SAP30L: variants seen among roughly 807,000 people sequenced by gnomAD.
The protein encoded by SAP30L is histone deacetylase complex subunit SAP30L.
In SAP30L, 10 loss-of-function variants were observed where a neutral mutation model predicts 22.3. The ratio of observed to expected loss-of-function variants is 0.45; its 90% CI spans 0.28 to 0.76. SAP30L has a LOEUF of 0.76. Among genes scored for constraint, SAP30L ranks in the 30% least tolerant of loss-of-function variants. The probability of loss-of-function intolerance (pLI) is 0.14; values close to 1 mark genes in which losing one functional copy is unlikely to be tolerated. For missense variants in SAP30L, 206 were observed against 237.9 expected (o/e 0.87, Z 0.88); for synonymous variants, 91 against 94.1 (o/e 0.97, Z 0.19).
intron 2 of SAP30L, among the ~76,000 whole-genome samples, chr5:154,451,511 G>A (rs764769360): frequency 4.6e-5 from 7 of 151,790 alleles, no homozygotes; most frequent in Admixed American, 2.0e-4. Context: ...TCTGCAAGAC[G>A]CCCCTGACGA....
chr5:154,455,678 A>C (rs1757248660), intron 3 of SAP30L, among the ~76,000 whole-genome samples: 1 of 152,196 alleles, frequency 6.6e-6, no homozygotes, highest in African/African-American at 2.4e-5. Flanking sequence ...GAAGAGTTGT[A>C]GGTTAAAAAG....
chr5:154,446,561 C>T lies in SAP30L; in HGVS notation c.-44C>T. The T allele has an allele frequency of 7.2e-7, 1 of 1,382,588 alleles. No individual in the cohort carries two copies. The highest frequency in any genetic ancestry group is 9.4e-7 in the Non-Finnish European group (1 of 1,067,240). 85.6% of individuals were successfully genotyped at this position (1,382,588 alleles called of 1,614,324 possible). On this transcript the variant is annotated 5_prime_UTR_variant, in exon 1 of 4. Coordinates refer to ENST00000297109, the MANE Select transcript of SAP30L (RefSeq NM_024632.6). ...GCGGCAAGCGCGGCCGCGGAGTGGCCTACCGGGGACCCTCCCCCAGAGGGA... is the reference window on the plus strand; with the variant it reads ...GCGGCAAGCGCGGCCGCGGAGTGGCTTACCGGGGACCCTCCCCCAGAGGGA...
intron 1 of SAP30L, among the ~76,000 whole-genome samples, chr5:154,447,969 C>CTTTTTTTTTTTTTTTTTTT (rs140213326): frequency 3.3e-4 from 29 of 88,350 alleles, no homozygotes; most frequent in East Asian, 1.3e-3. Flanking sequence ...TTTTCTTTTT[C>CTTTTTTTTTTTTTTTTTTT]TTTTTTTTTT....
At chr5:154,449,780 A>G (rs1441608962) in intron 1 of SAP30L, among the ~76,000 whole-genome samples, 1 of 152,212 alleles carries the variant, frequency 6.6e-6, no homozygotes, top group Non-Finnish European at 1.5e-5. Context: ...GTTTGTAACC[A>G]TGTTAAGTGG....
Position 154,457,712 on chromosome 5 carries a change from T to C in SAP30L, c.*1684T>C, listed in dbSNP as rs954297285. ...GCAGATTGCAGCCTTTTAAATTAAATATATATAAATGGTTGTATATAGAAT... is the reference window on the plus strand; with the variant it reads ...GCAGATTGCAGCCTTTTAAATTAAACATATATAAATGGTTGTATATAGAAT... On this transcript the variant is annotated 3_prime_UTR_variant, in exon 4 of 4. Coordinates refer to ENST00000297109, the MANE Select transcript of SAP30L (RefSeq NM_024632.6). The C allele has an allele frequency of 1.3e-5, 2 of 152,200 alleles. No individual in the cohort carries two copies. The highest frequency in any genetic ancestry group is 4.8e-5 in the African/African-American group (2 of 41,452). The allele number at this position is 152,200 out of a possible 1,614,324, so 9.4% of individuals were successfully genotyped here.
intron 1 of SAP30L, 83 bp downstream of exon 1, chr5:154,446,888 G>A: frequency 8.1e-7 from 1 of 1,232,092 alleles, no homozygotes; most frequent in Non-Finnish European, 1.1e-6. Context: ...GGACTCCCCG[G>A]GCACTCCCCG....
intron 2 of SAP30L, 114 bp downstream of exon 2, chr5:154,451,327 G>A: frequency 8.4e-7 from 1 of 1,196,866 alleles, no homozygotes; most frequent in Non-Finnish European, 1.2e-6. Context: ...CTTTTGTTTT[G>A]CTGTGGATTA....
rs1226946063 is a variant in SAP30L, at chr5:154,458,974, C to T, written c.*2946C>T. On this transcript the variant is annotated 3_prime_UTR_variant, in exon 4 of 4. Transcript: ENST00000297109. ...GTCATAGCTAAATAGTCACTGCTAG[C>T]CTTTCAGAGAACAGATAGTAACAAT... 1 of 152,242 alleles carries T rather than the reference C, an allele frequency of 6.6e-6. No homozygotes were observed. Among genetic ancestry groups the T allele is most frequent in the Non-Finnish European group, 1.5e-5 (1 of 68,032 alleles). 9.4% of individuals were successfully genotyped at this position (152,242 alleles called of 1,614,324 possible). A position where few individuals can be genotyped will look rare whatever the true frequency, so the allele number is the denominator to read the frequency against.
chr5:154,449,655 T>G lies in SAP30L; in HGVS notation c.202-1436T>G, dbSNP rs376348687. Among the ~76,000 whole-genome samples, 5 of 152,318 alleles carry G rather than the reference T, an allele frequency of 3.3e-5. No individual in the cohort carries two copies. In the East Asian group the frequency reaches 5.8e-4, roughly 18 times the overall value. On this transcript the variant is annotated intron_variant, in intron 1 of 3. Transcript: ENST00000297109. ...AGTGTGCTTTGTTGTGCTTTCTTCC[T>G]GGAGAAAAGCATGTCCAGTAGTATA... is the stretch of plus-strand genomic sequence containing the variant.
intron 2 of SAP30L, 36 bp downstream of exon 2, chr5:154,451,249 G>T: frequency 1.9e-6 from 3 of 1,605,032 alleles, no homozygotes; most frequent in Non-Finnish European, 2.6e-6. Context: ...GAAGCTGGAA[G>T]AATGGATTCT....
Position 154,446,306 on chromosome 5 carries a change from A to T in SAP30L, c.-299A>T. ...ACGCCCTCCCGGACACCCCCGCTGC[A>T]GGGTTACGGTTCTGGGCCCCCGGCA... On this transcript the variant is annotated 5_prime_UTR_variant, in exon 1 of 4. Coordinates refer to ENST00000297109, the MANE Select transcript of SAP30L (RefSeq NM_024632.6). The T allele has an allele frequency of 9.9e-6, 3 of 302,310 alleles. No homozygotes were observed. Among genetic ancestry groups the T allele is most frequent in the Admixed American group, 5.1e-5 (1 of 19,562 alleles). 18.7% of individuals were successfully genotyped at this position (302,310 alleles called of 1,614,324 possible).
At chr5:154,450,579 T>C (rs1757116732) in intron 1 of SAP30L, among the ~76,000 whole-genome samples, 2 of 152,178 alleles carry the variant, frequency 1.3e-5, no homozygotes, top group African/African-American at 4.8e-5. Context: ...GACTCTGTCT[T>C]GTCGGAAGGA....
At position 154,459,827 on chromosome 5, in the gene SAP30L, T is replaced by C. The variant is rs1469435862; in HGVS notation, c.*3799T>C. On this transcript the variant is annotated 3_prime_UTR_variant, in exon 4 of 4. Coordinates refer to ENST00000297109, the MANE Select transcript of SAP30L (RefSeq NM_024632.6). ...TCATGGTTGCCCAGGGCTTGTACCTTAGATTCCTGTAAGGACTTTGCACTG... is the reference window on the plus strand; with the variant it reads ...TCATGGTTGCCCAGGGCTTGTACCTCAGATTCCTGTAAGGACTTTGCACTG... 6.6e-6 allele frequency: 1 copy of C among 152,238 alleles called. No homozygotes were observed. 9.4% of individuals were successfully genotyped at this position (152,238 alleles called of 1,614,324 possible). A position where few individuals can be genotyped will look rare whatever the true frequency, so the allele number is the denominator to read the frequency against.
chr5:154,454,397 C>T (rs979676430), intron 3 of SAP30L, among the ~76,000 whole-genome samples: 46 of 152,094 alleles, frequency 3.0e-4, no homozygotes, highest in Non-Finnish European at 3.1e-4. Flanking sequence ...TTTTCTAATC[C>T]CTCTTTTCTT....
chr5:154,456,263 A>G lies in SAP30L; in HGVS notation c.*235A>G, dbSNP rs1757262724. 3.0e-6 allele frequency: 1 copy of G among 335,424 alleles called. No individual in the cohort carries two copies. The highest frequency in any genetic ancestry group is 5.4e-6 in the Non-Finnish European group (1 of 184,730). The allele number at this position is 335,424 out of a possible 1,614,324, so 20.8% of individuals were successfully genotyped here. A position where few individuals can be genotyped will look rare whatever the true frequency, so the allele number is the denominator to read the frequency against. On this transcript the variant is annotated 3_prime_UTR_variant, in exon 4 of 4. Coordinates refer to ENST00000297109, the MANE Select transcript of SAP30L (RefSeq NM_024632.6). ...AAAATCAGGATCATTAAAAGAATTA[A>G]AAACTATGTATTTCAGCATTCAACA...
At position 154,449,707 on chromosome 5, in the gene SAP30L, G is replaced by A. The variant is rs916252300; in HGVS notation, c.202-1384G>A. Among the ~76,000 whole-genome samples, 12 of 152,208 alleles carry A rather than the reference G, an allele frequency of 7.9e-5. No homozygotes were observed. In the East Asian group the frequency reaches 2.1e-3, roughly 27 times the overall value. On this transcript the variant is annotated intron_variant, in intron 1 of 3. Transcript: ENST00000297109. The stretch of plus-strand genomic sequence containing the variant: ...ACATCAGCTAGGTGGGATTCTTTGG[G>A]ACAGTGGCATGTGCTGTGTTTGAAA...
At position 154,458,759 on chromosome 5, in the gene SAP30L, A is replaced by T. The variant is rs1757314354; in HGVS notation, c.*2731A>T. 1 of 152,174 alleles carries T rather than the reference A, an allele frequency of 6.6e-6. No homozygotes were observed. The highest frequency in any genetic ancestry group is 2.4e-5 in the African/African-American group (1 of 41,440). 9.4% of individuals were successfully genotyped at this position (152,174 alleles called of 1,614,324 possible). On this transcript the variant is annotated 3_prime_UTR_variant, in exon 4 of 4. Transcript: ENST00000297109. Reference sequence around the variant, plus strand: ...ATCCTGCCATTCATGTTGTTTTAAGATGTTTTAAAAACCAATGGACAAACT... The same window carrying T: ...ATCCTGCCATTCATGTTGTTTTAAGTTGTTTTAAAAACCAATGGACAAACT...
Position 154,456,202 on chromosome 5 carries a change from TAGAA to T in SAP30L, c.*178_*181del. The T allele has an allele frequency of 1.9e-6, 1 of 526,142 alleles. No individual in the cohort carries two copies. Among genetic ancestry groups the T allele is most frequent in the East Asian group, 3.4e-5 (1 of 29,316 alleles). 32.6% of individuals were successfully genotyped at this position (526,142 alleles called of 1,614,324 possible). On this transcript the variant is annotated 3_prime_UTR_variant, in exon 4 of 4. Transcript: ENST00000297109. Reference sequence around the variant, plus strand: ...ATATTCTCATGATTCAGCATGTGTATAGAAAGACTTTCTTTTACGATAACTCTGG... The same window carrying T: ...ATATTCTCATGATTCAGCATGTGTATAGACTTTCTTTTACGATAACTCTGG...
Position 154,456,175 on chromosome 5 carries a change from T to A in SAP30L, c.*147T>A. The A allele has an allele frequency of 1.3e-6, 1 of 757,352 alleles. No homozygotes were observed. Among genetic ancestry groups the A allele is most frequent in the Non-Finnish European group, 2.0e-6 (1 of 508,430 alleles). The allele number at this position is 757,352 out of a possible 1,614,324, so 46.9% of individuals were successfully genotyped here. A position where few individuals can be genotyped will look rare whatever the true frequency, so the allele number is the denominator to read the frequency against. ...CTGTAAATCTTTTTGGTCAGGAGGA[T>A]TATATTCTCATGATTCAGCATGTGT... On this transcript the variant is annotated 3_prime_UTR_variant, in exon 4 of 4. Transcript: ENST00000297109.
Sources: allele counts gnomAD v4.1 joint callset (sites outside exome capture counted in the v4.1 genomes callset), GRCh38; gene constraint gnomAD v4.1.1; transcripts MANE v1.5; gene names NCBI Gene and HGNC (gene_info 2026-07-23, HGNC 2026-07-21).